Variants in SULT1C2 observed in about 807,000 individuals in gnomAD.
SULT1C2 encodes the protein sulfotransferase 1C2.
Under a neutral mutation model 36.0 loss-of-function variants are expected in SULT1C2, and 27 were observed. The observed-to-expected ratio is 0.75, with a 90% CI of 0.55 to 1.03. The LOEUF (loss-of-function observed/expected upper bound fraction) is 1.03, where lower values mean the gene tolerates loss of function less well. Ranked by LOEUF, SULT1C2 falls within the 50% of genes least tolerant of loss-of-function variation. The pLI, the probability that SULT1C2 is intolerant of heterozygous loss-of-function variation, is 0.00. For missense variants in SULT1C2, 395 were observed against 359.2 expected, an observed-to-expected ratio of 1.10 and a Z score of -0.80; for synonymous variants, 121 against 116.0, an observed-to-expected ratio of 1.04 and a Z score of -0.27.
rs540128303 is a variant in SULT1C2 at position 108,307,427 on chromosome 2, T to C, written c.779-925T>C. 2.0e-5 allele frequency among the ~76,000 whole-genome samples: 3 copies of C among 152,334 alleles called. No homozygotes were observed. In the South Asian group the frequency reaches 6.2e-4, roughly 32 times the overall value. On this transcript the variant is annotated intron_variant, in intron 7 of 7. Coordinates refer to ENST00000251481, the MANE Select transcript of SULT1C2 (RefSeq NM_001056.4). ...CATATAGACTCATACACCTCATTGA[T>C]TTCTTTGGTCCCATGTTATACCAAG...
chr2:108,297,037 CTT>C (rs1676748078), intron 3 of SULT1C2, among the ~76,000 whole-genome samples: 1 of 152,186 alleles, frequency 6.6e-6, no homozygotes, highest in South Asian at 2.1e-4. Context: ...TTTGGAAAGA[CTT>C]TGAAAAGACC....
chr2:108,293,560 A>G, intron 1 of SULT1C2, 87 bp from the exon 2 acceptor site: 1 of 1,307,566 alleles, frequency 7.6e-7, no homozygotes, highest in South Asian at 1.6e-5. Flanking sequence ...TGAACTGTAC[A>G]CCTAACGATG....
chr2:108,290,436 T>C (rs919390916), intron 1 of SULT1C2, among the ~76,000 whole-genome samples: 1 of 152,218 alleles, frequency 6.6e-6, no homozygotes, highest in Non-Finnish European at 1.5e-5. Context: ...CATATGAACT[T>C]AGAGAGACAC....
intron 1 of SULT1C2, among the ~76,000 whole-genome samples, chr2:108,293,213 T>C (rs1676637989): frequency 6.9e-6 from 1 of 145,878 alleles, no homozygotes; most frequent in Non-Finnish European, 1.5e-5. Context: ...AGGAAAGGTG[T>C]ATATCTACAG....
chr2:108,297,098 G>T (rs551721189), intron 3 of SULT1C2, among the ~76,000 whole-genome samples: 1 of 152,312 alleles, frequency 6.6e-6, no homozygotes, highest in Non-Finnish European at 1.5e-5. Context: ...CTGTATATAG[G>T]TGAAATCTAG....
chr2:108,294,163 T>C, intron 2 of SULT1C2, 66 bp from the exon 3 acceptor site: 1 of 1,593,892 alleles, frequency 6.3e-7, no homozygotes, highest in Admixed American at 1.7e-5. Flanking sequence ...CTTCGTTTAC[T>C]CGGGACTCTT....
At chr2:108,298,689 C>T in intron 3 of SULT1C2, 1 of 376,466 alleles carries the variant, frequency 2.7e-6, no homozygotes, top group South Asian at 1.9e-5. Context: ...GTCTTCTTTG[C>T]ATATTTTAAA....
intron 4 of SULT1C2, chr2:108,302,521 G>A (rs1676908716): frequency 6.6e-6 from 1 of 152,194 alleles, no homozygotes; most frequent in Non-Finnish European, 1.5e-5. Context: ...CGCTCTGGAG[G>A]GACACAGCTG....
At position 108,305,348 on chromosome 2, in the gene SULT1C2, C is replaced by T. The variant is rs564105635; in HGVS notation, c.598-67C>T. ...ATTCAAAGTTGTTTCAAAGGACATC[C>T]CAGAGAATTGTAGTATTTCTTTATG... On this transcript the variant is annotated intron_variant, in intron 6 of 7. Transcript: ENST00000251481. 1.8e-4 allele frequency: 287 copies of T among 1,608,954 alleles called. 1 individual carries two copies. Among genetic ancestry groups the T allele is most frequent in the Non-Finnish European group, 5.0e-5 (59 of 1,176,416 alleles).
chr2:108,308,663 A>G lies in SULT1C2; in HGVS notation c.*199A>G, dbSNP rs183599953. The G allele has an allele frequency of 6.3e-5, 32 of 504,872 alleles. No individual in the cohort carries two copies. The highest frequency in any genetic ancestry group is 4.5e-4 in the Admixed American group (12 of 26,530). 31.3% of individuals were successfully genotyped at this position (504,872 alleles called of 1,614,324 possible). ...ACGTCTAATGCCCATTTTCCCAACT[A>G]TTCTTTCCAAAGTAAGATATAAGGT... On this transcript the variant is annotated 3_prime_UTR_variant, in exon 8 of 8. Coordinates refer to ENST00000251481, the MANE Select transcript of SULT1C2 (RefSeq NM_001056.4).
At chr2:108,305,323 A>G in intron 6 of SULT1C2, 57 bp downstream of exon 6, 1 of 1,610,848 alleles carries the variant, frequency 6.2e-7, no homozygotes, top group Non-Finnish European at 8.5e-7. Flanking sequence ...GTGCAGAGAA[A>G]TTCAAAGTTG....
intron 3 of SULT1C2, 101 bp downstream of exon 3, chr2:108,294,455 TCCC>T (rs1676673769): frequency 1.5e-6 from 2 of 1,307,302 alleles, no homozygotes; most frequent in Non-Finnish European, 1.0e-6. Context: ...CCTCTCTCTC[TCCC>T]CCATCTCTCC....
At chr2:108,305,845 T>A (rs1357024964) in intron 7 of SULT1C2, among the ~76,000 whole-genome samples, 3 of 152,138 alleles carry the variant, frequency 2.0e-5, no homozygotes, top group Non-Finnish European at 2.9e-5. Context: ...ACTGTGAAGA[T>A]TCACCATGGA....
chr2:108,298,252 T>G (rs541768663), intron 3 of SULT1C2, among the ~76,000 whole-genome samples: 4 of 152,378 alleles, frequency 2.6e-5, no homozygotes, highest in African/African-American at 9.6e-5. Context: ...TCTTTTCAGC[T>G]ATATAAGCTC....
chr2:108,292,494 G>A (rs891311044), intron 1 of SULT1C2, among the ~76,000 whole-genome samples: 4 of 151,240 alleles, frequency 2.6e-5, no homozygotes, highest in South Asian at 2.1e-4. Context: ...CAATAAGCAT[G>A]AGAAGATGCT....
chr2:108,308,521 T>A lies in SULT1C2; in HGVS notation c.*57T>A, dbSNP rs911106949. On this transcript the variant is annotated 3_prime_UTR_variant, in exon 8 of 8. Transcript: ENST00000251481. The stretch of plus-strand genomic sequence containing the variant: ...GCAAGAGTGCAAATACTATCTTCAA[T>A]CCTTCAGTCCCAGCCAGAAGAATCT... 33 of 1,387,282 alleles carry A rather than the reference T, an allele frequency of 2.4e-5. No homozygotes were observed. The highest frequency in any genetic ancestry group is 3.2e-5 in the Non-Finnish European group (32 of 1,006,136). 85.9% of individuals were successfully genotyped at this position (1,387,282 alleles called of 1,614,324 possible).
At chr2:108,307,283 A>G (rs1029524810) in intron 7 of SULT1C2, among the ~76,000 whole-genome samples, 2 of 152,200 alleles carry the variant, frequency 1.3e-5, no homozygotes, top group African/African-American at 4.8e-5. Context: ...CTCCTTCTTC[A>G]GACTCACACA....
At chr2:108,294,440 T>C in intron 3 of SULT1C2, 86 bp downstream of exon 3, 1 of 1,459,162 alleles carries the variant, frequency 6.9e-7, no homozygotes, top group Non-Finnish European at 9.3e-7. Flanking sequence ...TTTCTCCTCT[T>C]CTCTCCTCTC....
At chr2:108,293,554 C>T in intron 1 of SULT1C2, 93 bp from the exon 2 acceptor site, 1 of 1,255,906 alleles carries the variant, frequency 8.0e-7, no homozygotes, top group East Asian at 2.4e-5. Flanking sequence ...TGCCTCTGAA[C>T]TGTACACCTA....
Sources: allele counts gnomAD v4.1 joint callset (sites outside exome capture counted in the v4.1 genomes callset), GRCh38; gene constraint gnomAD v4.1.1; transcripts MANE v1.5; gene names NCBI Gene and HGNC (gene_info 2026-07-23, HGNC 2026-07-21).